Variants in MGAT5B observed in about 807,000 individuals in gnomAD.
MGAT5B encodes N-acetylglucosaminyl-transferase Vb.
Under a neutral mutation model 95.1 loss-of-function variants are expected in MGAT5B, and 54 were observed. The observed-to-expected ratio is 0.57, with a 90% CI of 0.46 to 0.71. The LOEUF is 0.71. Ranked by LOEUF, MGAT5B falls within the 30% of genes least tolerant of loss-of-function variation. MGAT5B has a pLI of 0.00. For missense variants in MGAT5B, 935 were observed against 1,088.6 expected (o/e 0.86, Z 1.99); for synonymous variants, 464 against 451.0 (o/e 1.03, Z -0.36).
rs1270528793 is a variant in MGAT5B, at chr17:76,914,107, AAG to A, written c.1025+7924_1025+7925del. 2 of 172,588 alleles carry A rather than the reference AAG, an allele frequency of 1.2e-5. No homozygotes were observed. Among genetic ancestry groups the A allele is most frequent in the South Asian group, 1.3e-4 (1 of 7,638 alleles). The allele number at this position is 172,588 out of a possible 1,614,324, so 10.7% of individuals were successfully genotyped here. ...CAAAGCAAGACTGTCTCAAAAAAAAAAGAGAAGAAGAAGAAGAAAGAAAGAAG... is the reference window on the plus strand; with the variant it reads ...CAAAGCAAGACTGTCTCAAAAAAAAAAGAAGAAGAAGAAGAAAGAAAGAAG... On this transcript the variant is annotated intron_variant, in intron 8 of 17. Transcript: ENST00000569840. This position sits in a 1 kb window ranked among gnomAD's most constrained non-coding sequence, Gnocchi z 5.1.
chr17:76,895,529 C>T (rs906879595), intron 3 of MGAT5B, among the ~76,000 whole-genome samples: 13 of 152,118 alleles, frequency 8.5e-5, no homozygotes, highest in African/African-American at 1.7e-4. Context: ...GAGATCAAGA[C>T]GTCAGCAGGC....
intron 3 of MGAT5B, among the ~76,000 whole-genome samples, chr17:76,885,865 A>G (rs1055031401): frequency 1.3e-5 from 2 of 152,142 alleles, no homozygotes; most frequent in Non-Finnish European, 2.9e-5. Context: ...ACCGGCAAGA[A>G]TCCTGCAGGA....
In MGAT5B at chr17:76,940,335, CA is replaced by C; in HGVS notation, c.1585-66del. The C allele has an allele frequency of 6.7e-7, 1 of 1,487,548 alleles. No homozygotes were observed. Among genetic ancestry groups the C allele is most frequent in the Non-Finnish European group, 9.0e-7 (1 of 1,116,882 alleles). 92.1% of individuals were successfully genotyped at this position (1,487,548 alleles called of 1,614,324 possible). A position where few individuals can be genotyped will look rare whatever the true frequency, so the allele number is the denominator to read the frequency against. ...TCCCGAAGCCTCACCTTGTCCCCGG[CA>C]TCCTGGTGCTTACTGGGCTGTGGCG... On this transcript the variant is annotated intron_variant, in intron 13 of 17. Transcript: ENST00000569840. This position sits in a 1 kb window ranked among gnomAD's most constrained non-coding sequence, Gnocchi z 4.3.
At chr17:76,884,444 T>TA (rs538443358) in intron 3 of MGAT5B, among the ~76,000 whole-genome samples, 1,686 of 152,024 alleles carry the variant, frequency 0.011, 40 homozygotes, top group African/African-American at 0.037. Context: ...TTTATTTATT[T>TA]TTTTGAGATG....
rs1473540689 is a variant in MGAT5B, at chr17:76,905,541, C to T, written c.855+208C>T. 6.6e-6 allele frequency among the ~76,000 whole-genome samples: 1 copy of T among 152,108 alleles called. No individual in the cohort carries two copies. Among genetic ancestry groups the T allele is most frequent in the Admixed American group, 6.5e-5 (1 of 15,284 alleles). ...CAAGGTTGGGACCAAATGACAAGCC[C>T]CCAAGAGGTCCTGCATTCTGTGTAC... On this transcript the variant is annotated intron_variant, in intron 7 of 17. Transcript: ENST00000569840. This position sits in a 1 kb window ranked among gnomAD's most constrained non-coding sequence, Gnocchi z 4.2.
chr17:76,882,188 G>A lies in MGAT5B; in HGVS notation c.219G>A (p.Lys73=). The change falls in exon 3 of 18, where the codon AAG becomes AAA. Residue 73 remains lysine, a synonymous_variant. Coordinates refer to ENST00000569840, the MANE Select transcript of MGAT5B (RefSeq NM_001199172.2). ...CCGAGTCCCGCGGCGTCCTGCGCAA[G>A]ATGAGCGACCTGCTGGAGCTGATGG... ...GGPESRGVLR[K]MSDLLELMVK... is the part of the protein sequence containing the mutation. 1.2e-6 allele frequency: 2 copies of A among 1,613,494 alleles called. No individual in the cohort carries two copies. Among genetic ancestry groups the A allele is most frequent in the Non-Finnish European group, 1.7e-6 (2 of 1,179,830 alleles).
In MGAT5B at chr17:76,912,715, T is replaced by A. The variant is rs937628711; in HGVS notation, c.1025+6528T>A. 4.6e-5 allele frequency among the ~76,000 whole-genome samples: 7 copies of A among 152,142 alleles called. No homozygotes were observed. Among genetic ancestry groups the A allele is most frequent in the African/African-American group, 1.7e-4 (7 of 41,438 alleles). Reference sequence around the variant, plus strand: ...ATCTGGCTTTGCTGCTGCAAGATGCTTCCGGGGTGAGGGAGGTGGCACGAG... The same window carrying A: ...ATCTGGCTTTGCTGCTGCAAGATGCATCCGGGGTGAGGGAGGTGGCACGAG... On this transcript the variant is annotated intron_variant, in intron 8 of 17. Coordinates refer to ENST00000569840, the MANE Select transcript of MGAT5B (RefSeq NM_001199172.2). The surrounding 1 kb of genome is among the most constrained non-coding windows in gnomAD (Gnocchi z 5.0).
At position 76,881,195 on chromosome 17, in the gene MGAT5B, C is replaced by T. The variant is rs372321461; in HGVS notation, c.182-956C>T. ...CACTGGCACGTGCAGCGCTAATGAT[C>T]GGGAATGATTAGAAAGGAAGCCGTG... On this transcript the variant is annotated intron_variant, in intron 2 of 17. Transcript: ENST00000569840. 1.8e-4 allele frequency among the ~76,000 whole-genome samples: 27 copies of T among 152,292 alleles called. 1 individual carries two copies. The highest frequency in any genetic ancestry group is 3.1e-4 in the Non-Finnish European group (21 of 68,036).
Position 76,869,977 on chromosome 17 carries a change from C to T in MGAT5B, c.68+880C>T, listed in dbSNP as rs867167259. ...GGGGCGCTGCCCAGTGGACGCCCGG[C>T]GGGGCCCGAGTGTCACCCCGTGGGT... On this transcript the variant is annotated intron_variant, in intron 1 of 17. Coordinates refer to ENST00000569840, the MANE Select transcript of MGAT5B (RefSeq NM_001199172.2). This position sits in a 1 kb window ranked among gnomAD's most constrained non-coding sequence, Gnocchi z 7.0. Among the ~76,000 whole-genome samples the T allele has an allele frequency of 4.6e-5, 7 of 152,148 alleles. No individual in the cohort carries two copies. The highest frequency in any genetic ancestry group is 1.2e-4 in the African/African-American group (5 of 41,440).
chr17:76,872,430 T>C (rs1201501203), intron 1 of MGAT5B, among the ~76,000 whole-genome samples: 1 of 152,238 alleles, frequency 6.6e-6, no homozygotes, highest in Non-Finnish European at 1.5e-5. Context: ...TAAAACAGCT[T>C]GCTTGCTCCA....
chr17:76,903,248 C>T (rs547925450), intron 4 of MGAT5B, 55 bp from the exon 5 acceptor site: 1 of 1,431,914 alleles, frequency 7.0e-7, no homozygotes, highest in Non-Finnish European at 9.6e-7. Context: ...GCAGGCCTCC[C>T]TCCCTGGGCT....
At chr17:76,875,475 C>G (rs1967153081) in intron 2 of MGAT5B, among the ~76,000 whole-genome samples, 1 of 152,136 alleles carries the variant, frequency 6.6e-6, no homozygotes, top group African/African-American at 2.4e-5. Flanking sequence ...CCTCCCCAGC[C>G]ATGCTGGACT....
chr17:76,913,359 G>A (rs992466706), intron 8 of MGAT5B, among the ~76,000 whole-genome samples: 1 of 152,248 alleles, frequency 6.6e-6, no homozygotes, highest in South Asian at 2.1e-4. Flanking sequence ...ACTGGGCCCA[G>A]CTGCTGGAAA....
Position 76,882,278 on chromosome 17 carries a change from C to T in MGAT5B, c.309C>T (p.Asp103=). 1.2e-6 allele frequency: 2 copies of T among 1,612,462 alleles called. No homozygotes were observed. Among genetic ancestry groups the T allele is most frequent in the Non-Finnish European group, 8.5e-7 (1 of 1,179,552 alleles). Residue 103 remains aspartate (D), a synonymous_variant, in exon 3 of 18, where the codon GAC becomes GAT. Transcript: ENST00000569840. ...NSSELHRAGG[D]LHFPADRMPP... ...GTGAGCTGCACCGGGCCGGCGGCGA[C>T]CTGCACTTTCCCGCAGACAGGTGAG... is the stretch of plus-strand genomic sequence containing the variant.
rs1622075 is a variant in MGAT5B, at chr17:76,889,567, G to A, written c.329+7269G>A. Among the ~76,000 whole-genome samples, 50,800 of 152,132 alleles carry A rather than the reference G, an allele frequency of 0.33. 10,937 individuals carry two copies. The highest frequency in any genetic ancestry group is 0.59 in the African/African-American group (24,438 of 41,468). ...CAGCCAGTGCCACCCCAGGGCAGCCGTCGGCCCCCAGGGGCATGTTCTGGA... is the reference window on the plus strand; with the variant it reads ...CAGCCAGTGCCACCCCAGGGCAGCCATCGGCCCCCAGGGGCATGTTCTGGA... On this transcript the variant is annotated intron_variant, in intron 3 of 17. Transcript: ENST00000569840. This position sits in a 1 kb window ranked among gnomAD's most constrained non-coding sequence, Gnocchi z 4.4.
At position 76,918,625 on chromosome 17, in the gene MGAT5B, T is replaced by C. The variant is rs1969025288; in HGVS notation, c.1026-6341T>C. 6.6e-6 allele frequency among the ~76,000 whole-genome samples: 1 copy of C among 152,210 alleles called. No individual in the cohort carries two copies. The highest frequency in any genetic ancestry group is 1.5e-5 in the Non-Finnish European group (1 of 68,030). On this transcript the variant is annotated intron_variant, in intron 8 of 17. Coordinates refer to ENST00000569840, the MANE Select transcript of MGAT5B (RefSeq NM_001199172.2). The surrounding 1 kb of genome is among the most constrained non-coding windows in gnomAD (Gnocchi z 5.1). ...GTTTCTTCTTTCTGCCCCCATCTGG[T>C]CTGTCAGGGACCAGACAGTGGCCTG...
rs1455159526 is a variant in MGAT5B at position 76,930,029 on chromosome 17, C to G, written c.1292-2616C>G. 6.6e-6 allele frequency among the ~76,000 whole-genome samples: 1 copy of G among 152,024 alleles called. No individual in the cohort carries two copies. Among genetic ancestry groups the G allele is most frequent in the Admixed American group, 6.6e-5 (1 of 15,254 alleles). ...GCCAGAGGGGAGGGGAAGATGGTGC[C>G]GGACAGGTAAACAGGGTCGGGCAGG... On this transcript the variant is annotated intron_variant, in intron 10 of 17. Coordinates refer to ENST00000569840, the MANE Select transcript of MGAT5B (RefSeq NM_001199172.2). This position sits in a 1 kb window ranked among gnomAD's most constrained non-coding sequence, Gnocchi z 4.1.
At position 76,938,042 on chromosome 17, in the gene MGAT5B, G is replaced by A. The variant is rs200878515; in HGVS notation, c.1483G>A (p.Val495Met). The A allele has an allele frequency of 8.1e-6, 13 of 1,614,204 alleles. No individual in the cohort carries two copies. Among genetic ancestry groups the A allele is most frequent in the Middle Eastern group, 1.6e-4 (1 of 6,062 alleles). Residue 495 changes from valine to methionine, a missense_variant, in exon 13 of 18, where the codon GTG becomes ATG. Physicochemically the swap from Val to Met is conservative, Grantham distance 21 (BLOSUM62 1). Around this residue, in one of 4 missense-constraint regions of MGAT5B, gnomAD observed 440 missense variants for 523.6 expected, o/e 0.84. Transcript: ENST00000569840. The surrounding 1 kb of genome is among the most constrained non-coding windows in gnomAD (Gnocchi z 4.3). ...CAAATACATGGAGATCCATGGCACC[G>A]TGTACTACGAGAGCCAGCGGCCCCC... ...LNKYMEIHGT[V>M]YYESQRPPEV...
chr17:76,927,585 C>G (rs1390683992), intron 10 of MGAT5B, among the ~76,000 whole-genome samples: 1 of 152,200 alleles, frequency 6.6e-6, no homozygotes, highest in East Asian at 1.9e-4. Context: ...ACACACTGAC[C>G]TATCCTGTTA....
Sources: allele counts gnomAD v4.1 joint callset (sites outside exome capture counted in the v4.1 genomes callset), GRCh38; gene constraint gnomAD v4.1.1; regional missense constraint gnomAD v4.1.1; non-coding constraint Gnocchi (gnomAD v3.1); transcripts MANE v1.5; gene names NCBI Gene and HGNC (gene_info 2026-07-23, HGNC 2026-07-21).